Variants in TRAPPC6B observed in about 807,000 individuals in gnomAD.
TRAPPC6B encodes the protein trafficking protein particle complex subunit 6B, also known as TRAPP complex subunit 6B.
Under a neutral mutation model 24.7 loss-of-function variants are expected in TRAPPC6B, and 27 were observed. The observed-to-expected ratio is 1.09, with a 90% CI of 0.81 to 1.51. The LOEUF (loss-of-function observed/expected upper bound fraction) is 1.51. TRAPPC6B is among the 40% of genes most tolerant of loss of function. The pLI is 0.00. For missense variants in TRAPPC6B, 212 were observed against 190.8 expected (o/e 1.11, Z -0.66); for synonymous variants, 80 against 66.6 (o/e 1.20, Z -0.98).
intron 2 of TRAPPC6B, 97 bp from the exon 3 acceptor site, chr14:39,158,499 AACATTT>A: frequency 1.4e-6 from 1 of 724,962 alleles, no homozygotes; most frequent in Non-Finnish European, 2.3e-6. Context: ...AACAGCACTG[AACATTT>A]ATTGGGTTTT....
chr14:39,160,891 G>C (rs1246810785), intron 1 of TRAPPC6B, among the ~76,000 whole-genome samples: 1 of 152,014 alleles, frequency 6.6e-6, no homozygotes, highest in Non-Finnish European at 1.5e-5. Context: ...TCATCTAGAG[G>C]GTTAGTTAAC....
chr14:39,153,051 G>A (rs568282314), intron 4 of TRAPPC6B, among the ~76,000 whole-genome samples: 13 of 152,078 alleles, frequency 8.5e-5, no homozygotes, highest in Admixed American at 7.9e-4. Context: ...CGAGCACTTT[G>A]GGAGGCTGAG....
rs936647147 is a variant in TRAPPC6B, at chr14:39,150,112, G to T, written c.*238C>A. The T allele has an allele frequency of 9.6e-6, 4 of 418,398 alleles. No individual in the cohort carries two copies. The highest frequency in any genetic ancestry group is 1.7e-5 in the Non-Finnish European group (4 of 238,846). 25.9% of individuals were successfully genotyped at this position (418,398 alleles called of 1,614,324 possible). ...CCAAATAAAAAGGTTTAAAATAAGG[G>T]CCCTGCATCTTGGTGTCTGGTTATT... On this transcript the variant is annotated 3_prime_UTR_variant, in exon 6 of 6. Coordinates refer to ENST00000330149, the MANE Select transcript of TRAPPC6B (RefSeq NM_001079537.2).
intron 4 of TRAPPC6B, among the ~76,000 whole-genome samples, chr14:39,153,295 A>G (rs1382333942): frequency 6.6e-6 from 1 of 151,932 alleles, no homozygotes; most frequent in East Asian, 1.9e-4. Context: ...ATTAACCATA[A>G]AAATGTAATT....
chr14:39,167,283 A>C (rs932210014), intron 1 of TRAPPC6B, among the ~76,000 whole-genome samples: 1 of 152,070 alleles, frequency 6.6e-6, no homozygotes, highest in African/African-American at 2.4e-5. Context: ...AGTTTGAAAA[A>C]CCTTGATTTG....
intron 1 of TRAPPC6B, among the ~76,000 whole-genome samples, chr14:39,164,922 C>G (rs17108884): frequency 0.014 from 2,137 of 152,300 alleles, 58 homozygotes; most frequent in African/African-American, 0.048. Context: ...AGACTCCTGG[C>G]TAGTTAACCA....
chr14:39,164,457 A>T (rs536633538), intron 1 of TRAPPC6B, among the ~76,000 whole-genome samples: 29 of 151,964 alleles, frequency 1.9e-4, no homozygotes, highest in Non-Finnish European at 3.4e-4. Flanking sequence ...ACCCCATTGC[A>T]TTCCAGCCTG....
At chr14:39,151,088 T>C (rs1053970591) in intron 5 of TRAPPC6B, among the ~76,000 whole-genome samples, 1 of 152,098 alleles carries the variant, frequency 6.6e-6, no homozygotes, top group Non-Finnish European at 1.5e-5. Context: ...TCCTAAACAA[T>C]TGTTTAAAAA....
At chr14:39,168,214 C>CT (rs1317782878) in intron 1 of TRAPPC6B, among the ~76,000 whole-genome samples, 4 of 56,442 alleles carry the variant, frequency 7.1e-5, no homozygotes, top group Admixed American at 2.1e-4. Flanking sequence ...AAAACTCCAT[C>CT]TAAAAAAAAA....
At chr14:39,152,643 C>A (rs1400089298) in intron 4 of TRAPPC6B, among the ~76,000 whole-genome samples, 1 of 151,996 alleles carries the variant, frequency 6.6e-6, no homozygotes, top group African/African-American at 2.4e-5. Context: ...CTGGAAGAGG[C>A]CTTAGAGATT....
At chr14:39,150,437 A>G in intron 5 of TRAPPC6B, 56 bp from the exon 6 acceptor site, 3 of 1,316,078 alleles carry the variant, frequency 2.3e-6, no homozygotes, top group Non-Finnish European at 3.2e-6. Context: ...AAACAAGTCT[A>G]AACATCAATT....
At chr14:39,167,001 T>C (rs1271072746) in intron 1 of TRAPPC6B, among the ~76,000 whole-genome samples, 1 of 152,196 alleles carries the variant, frequency 6.6e-6, no homozygotes, top group African/African-American at 2.4e-5. Flanking sequence ...TCTTGATAGA[T>C]CAGCTCTACC....
chr14:39,151,298 G>A (rs1375281301), intron 5 of TRAPPC6B, among the ~76,000 whole-genome samples: 2 of 150,570 alleles, frequency 1.3e-5, no homozygotes, highest in African/African-American at 4.9e-5. Context: ...GTTGAGGCAG[G>A]AGAATGGCGT....
In TRAPPC6B at chr14:39,148,950, AAC is replaced by A; in HGVS notation, c.*1398_*1399del. 2.6e-6 allele frequency: 1 copy of A among 391,226 alleles called. No homozygotes were observed. The highest frequency in any genetic ancestry group is 2.1e-5 in the African/African-American group (1 of 47,984). The allele number at this position is 391,226 out of a possible 1,614,324, so 24.2% of individuals were successfully genotyped here. A position where few individuals can be genotyped will look rare whatever the true frequency, so the allele number is the denominator to read the frequency against. On this transcript the variant is annotated 3_prime_UTR_variant, in exon 6 of 6. Coordinates refer to ENST00000330149, the MANE Select transcript of TRAPPC6B (RefSeq NM_001079537.2). Reference sequence around the variant, plus strand: ...TGTAGTGAATACTGTAGGACACTGTAACACAATGGTAAGTACTTGCATATCTA... The same window carrying A: ...TGTAGTGAATACTGTAGGACACTGTAACAATGGTAAGTACTTGCATATCTA...
intron 2 of TRAPPC6B, 105 bp from the exon 3 acceptor site, chr14:39,158,507 T>C (rs2053014469): frequency 1.3e-5 from 9 of 700,418 alleles, no homozygotes; most frequent in South Asian, 1.2e-4. Context: ...TGAACATTTA[T>C]TGGGTTTTTT....
At chr14:39,168,699 A>G (rs1003646142) in intron 1 of TRAPPC6B, among the ~76,000 whole-genome samples, 2 of 152,060 alleles carry the variant, frequency 1.3e-5, no homozygotes, top group South Asian at 2.1e-4. Flanking sequence ...ATAATTTTCA[A>G]CTCCCACTCC....
intron 5 of TRAPPC6B, 122 bp from the exon 6 acceptor site, chr14:39,150,503 T>C (rs2052898852): frequency 2.9e-6 from 2 of 682,810 alleles, no homozygotes; most frequent in African/African-American, 3.7e-5. Flanking sequence ...TCAAAAACTT[T>C]TTCGCATTCT....
At chr14:39,161,712 C>CA (rs1229196909) in intron 1 of TRAPPC6B, among the ~76,000 whole-genome samples, 2 of 152,152 alleles carry the variant, frequency 1.3e-5, no homozygotes, top group Admixed American at 1.3e-4. Context: ...CAAACCAACC[C>CA]ACCAGGTACA....
intron 1 of TRAPPC6B, among the ~76,000 whole-genome samples, chr14:39,160,668 C>T (rs1251513836): frequency 1.3e-5 from 2 of 151,664 alleles, no homozygotes; most frequent in Admixed American, 1.3e-4. Context: ...GAGAAAGAGA[C>T]AGAAACAGAG....
Sources: allele counts gnomAD v4.1 joint callset (sites outside exome capture counted in the v4.1 genomes callset), GRCh38; gene constraint gnomAD v4.1.1; transcripts MANE v1.5; gene names NCBI Gene and HGNC (gene_info 2026-07-23, HGNC 2026-07-21).